Variants in IQGAP2 observed in about 807,000 individuals in gnomAD.
IQGAP2 encodes ras GTPase-activating-like protein IQGAP2.
In IQGAP2, 173 loss-of-function variants were observed where a neutral mutation model predicts 201.3. The ratio of observed to expected loss-of-function variants is 0.86; its 90% confidence interval spans 0.76 to 0.98. The LOEUF is 0.98. Ranked by LOEUF, IQGAP2 falls within the 50% of genes least tolerant of loss-of-function variation. IQGAP2 has a pLI of 0.00. For synonymous variants in IQGAP2, 675 were observed against 673.9 expected, an observed-to-expected ratio of 1.00 and a Z score of -0.03; for missense variants, 1,687 against 1,864.8, an observed-to-expected ratio of 0.90 and a Z score of 1.76.
At chr5:76,637,362 C>T (rs1380844105) in intron 16 of IQGAP2, among the ~76,000 whole-genome samples, 186 bp downstream of exon 16, 1 of 152,132 alleles carries the variant, frequency 6.6e-6, no homozygotes, top group Admixed American at 6.5e-5. Context: ...GAATTTTTTC[C>T]ATATTGGCTT....
At chr5:76,614,078 C>G (rs1341444629) in intron 13 of IQGAP2, among the ~76,000 whole-genome samples, 1 of 152,212 alleles carries the variant, frequency 6.6e-6, no homozygotes, top group East Asian at 1.9e-4. Flanking sequence ...AGACCTGGGT[C>G]CCTGTCTGCC....
chr5:76,447,018 A>G (rs1185109532), intron 1 of IQGAP2, among the ~76,000 whole-genome samples: 2 of 152,240 alleles, frequency 1.3e-5, no homozygotes, highest in Non-Finnish European at 2.9e-5. Flanking sequence ...TTTTGCGACC[A>G]GTTTCCAGAA....
chr5:76,623,774 T>A (rs1319921453), intron 13 of IQGAP2, among the ~76,000 whole-genome samples: 1 of 152,206 alleles, frequency 6.6e-6, no homozygotes, highest in Non-Finnish European at 1.5e-5. Flanking sequence ...AAATTAATCA[T>A]GGAAAACAAA....
chr5:76,674,629 C>T lies in IQGAP2; in HGVS notation c.3447C>T (p.Ala1149=). The part of the protein sequence containing the change: ...GSVAKVLQHA[A]SNKLFEGENE... ...TGGCCAAGGTTCTTCAGCACGCAGC[C>T]TCCAACAAGCTGTTTGAAGGAGAAA... The change falls in exon 27 of 36, where the codon GCC becomes GCT. Residue 1149 remains alanine (A), a synonymous_variant. Transcript: ENST00000274364. The T allele has an allele frequency of 1.2e-6, 2 of 1,614,126 alleles. No individual in the cohort carries two copies. Among genetic ancestry groups the T allele is most frequent in the South Asian group, 1.1e-5 (1 of 91,086 alleles).
At position 76,597,517 on chromosome 5, in the gene IQGAP2, C is replaced by T; in HGVS notation, c.986C>T (p.Pro329Leu). ...AATACGCTGCTTGCACTGAAGAAAC[C>T]AGAGGCCCAGCTGCCTGCTGTTTAT... ...PENTLLALKK[P>L]EAQLPAVYPF... Residue 329 changes from proline to leucine, a missense_variant, in exon 10 of 36, where the codon CCA (proline) becomes CTA (leucine). Coordinates refer to ENST00000274364, the MANE Select transcript of IQGAP2 (RefSeq NM_006633.5). 6.2e-7 allele frequency: 1 copy of T among 1,613,912 alleles called. No individual in the cohort carries two copies.
chr5:76,675,853 A>G (rs1744763102), intron 27 of IQGAP2, among the ~76,000 whole-genome samples: 1 of 149,624 alleles, frequency 6.7e-6, no homozygotes, highest in Admixed American at 6.7e-5. Flanking sequence ...CTAATTTTTC[A>G]TTCTCCTCAC....
chr5:76,447,387 C>T (rs1053641664), intron 1 of IQGAP2, among the ~76,000 whole-genome samples: 1 of 152,158 alleles, frequency 6.6e-6, no homozygotes, highest in African/African-American at 2.4e-5. Context: ...GGGATATAAA[C>T]CTGGGCATTC....
At chr5:76,409,222 A>G (rs944212070) in intron 1 of IQGAP2, among the ~76,000 whole-genome samples, 1 of 151,006 alleles carries the variant, frequency 6.6e-6, no homozygotes, top group Non-Finnish European at 1.5e-5. Context: ...CTCCCAAGAA[A>G]CAGCATAGAA....
At chr5:76,672,683 C>G (rs763742983) in intron 24 of IQGAP2, among the ~76,000 whole-genome samples, 4 of 152,150 alleles carry the variant, frequency 2.6e-5, no homozygotes, top group Non-Finnish European at 5.9e-5. Context: ...AAAGAATGCT[C>G]ATTACATACG....
chr5:76,575,437 G>A (rs1745405440), intron 4 of IQGAP2, among the ~76,000 whole-genome samples: 1 of 152,154 alleles, frequency 6.6e-6, no homozygotes, highest in African/African-American at 2.4e-5. Flanking sequence ...TAGCACTGTG[G>A]ACACAGCCTT....
rs368092917 is a variant in IQGAP2 at position 76,403,527 on chromosome 5, G to T, written c.-19G>T. ...GCCGCGGGGGGCGCGCCCCGGGCGG[G>T]CCCCCGGAGACGCGCAGGATGCCAC... On this transcript the variant is annotated 5_prime_UTR_variant, in exon 1 of 36. Coordinates refer to ENST00000274364, the MANE Select transcript of IQGAP2 (RefSeq NM_006633.5). This position sits in a 1 kb window ranked among gnomAD's most constrained non-coding sequence, Gnocchi z 4.8. 59 of 1,490,660 alleles carry T rather than the reference G, an allele frequency of 4.0e-5. No homozygotes were observed. The African/African-American group carries it at 7.6e-4, about 19-fold the overall frequency. 92.3% of individuals were successfully genotyped at this position (1,490,660 alleles called of 1,614,324 possible).
chr5:76,513,065 AAAAAAAG>A (rs1379558722), intron 2 of IQGAP2, among the ~76,000 whole-genome samples: 2 of 150,776 alleles, frequency 1.3e-5, no homozygotes, highest in Non-Finnish European at 2.9e-5. Context: ...AAAAAGAAAA[AAAAAAAG>A]AAAAAAGAAA....
At chr5:76,547,559 A>G in intron 2 of IQGAP2, 1 of 264,130 alleles carries the variant, frequency 3.8e-6, no homozygotes, top group Non-Finnish European at 5.9e-6. Flanking sequence ...TGGTTAGAGC[A>G]TGTGCACAGT....
At chr5:76,697,803 A>T (rs1265268184) in intron 32 of IQGAP2, among the ~76,000 whole-genome samples, 184 bp from the exon 33 acceptor site, 1 of 152,218 alleles carries the variant, frequency 6.6e-6, no homozygotes, top group Non-Finnish European at 1.5e-5. Context: ...TACACTTTCC[A>T]GTTCTGAAGT....
At chr5:76,433,659 T>G (rs1752499612) in intron 1 of IQGAP2, among the ~76,000 whole-genome samples, 1 of 152,224 alleles carries the variant, frequency 6.6e-6, no homozygotes, top group Non-Finnish European at 1.5e-5. Flanking sequence ...AGACTTTTTA[T>G]AATTAGACTT....
chr5:76,579,895 C>T (rs1466273629), intron 5 of IQGAP2, among the ~76,000 whole-genome samples: 1 of 152,118 alleles, frequency 6.6e-6, no homozygotes, highest in African/African-American at 2.4e-5. Flanking sequence ...GGGGCACTTC[C>T]TTTGTTTTCT....
At chr5:76,513,829 C>G (rs1758136313) in intron 2 of IQGAP2, among the ~76,000 whole-genome samples, 1 of 151,602 alleles carries the variant, frequency 6.6e-6, no homozygotes, top group Non-Finnish European at 1.5e-5. Context: ...CAACAGTGAG[C>G]CATCACATGA....
intron 1 of IQGAP2, among the ~76,000 whole-genome samples, chr5:76,410,222 T>C (rs560767359): frequency 1.3e-5 from 2 of 152,224 alleles, no homozygotes; most frequent in East Asian, 1.9e-4. Flanking sequence ...GAGGGCTTCA[T>C]GAAAGTTGTG....
At position 76,471,375 on chromosome 5, in the gene IQGAP2, A is replaced by AC. The variant is rs1554058998; in HGVS notation, c.146+9706_146+9707insC. On this transcript the variant is annotated intron_variant, in intron 2 of 35. Transcript: ENST00000274364. ...GAAAATAAACTAAGCAAAAAAAAAA[A>AC]AAAAAAAAAAACACCCTTCCCTTGG... is the stretch of plus-strand genomic sequence containing the variant. Among the ~76,000 whole-genome samples, 967 of 125,372 alleles carry AC rather than the reference A, an allele frequency of 7.7e-3. 17 individuals are homozygous for AC. The highest frequency in any genetic ancestry group is 0.026 in the African/African-American group (921 of 35,036). 82.2% of individuals were successfully genotyped at this position (125,372 alleles called of 152,430 possible). A position where few individuals can be genotyped will look rare whatever the true frequency, so the allele number is the denominator to read the frequency against.
Sources: gnomAD v4.1 joint callset for allele counts (sites outside exome capture counted in the v4.1 genomes callset) on GRCh38, gnomAD v4.1.1 for gene constraint, Gnocchi (gnomAD v3.1) non-coding constraint, MANE v1.5 for transcripts, NCBI Gene and HGNC (gene_info 2026-07-23, HGNC 2026-07-21) for gene names.